SYNE1: variants seen among roughly 807,000 people sequenced by gnomAD.
SYNE1 encodes nesprin-1.
SYNE1 carries 616 observed loss-of-function variants against 1,111.0 expected under a neutral mutation model. That is an observed-to-expected ratio of 0.55 (90% CI 0.52 to 0.59). The LOEUF (loss-of-function observed/expected upper bound fraction) is 0.59, where lower values mean the gene tolerates loss of function less well. SYNE1 is among the 20% of genes least tolerant of loss of function. The pLI is 0.00. For missense variants in SYNE1, 10,006 were observed against 10,417.0 expected (o/e 0.96, Z 1.72); for synonymous variants, 3,855 against 3,825.8 (o/e 1.01, Z -0.28).
Position 152,399,602 on chromosome 6 carries a change from C to T in SYNE1, c.7237+14G>A, listed in dbSNP as rs376802849. ...GGAAACAAACTACTCATGCTAAGGC[C>T]CCTCAGAACTCACCACTGAAGTGTT... is the stretch of plus-strand genomic sequence containing the variant. On this transcript the variant is annotated intron_variant, in intron 48 of 145. Transcript: ENST00000367255. 10 of 1,613,746 alleles carry T rather than the reference C, an allele frequency of 6.2e-6. No homozygotes were observed. The African/African-American group carries it at 1.3e-4, about 22-fold the overall frequency.
At chr6:152,256,424 G>A (rs900949968) in intron 102 of SYNE1, among the ~76,000 whole-genome samples, 17 of 137,894 alleles carry the variant, frequency 1.2e-4, no homozygotes, top group Non-Finnish European at 2.3e-4. Context: ...AGTGAGACTC[G>A]GTCTAAAAAA....
chr6:152,354,635 A>T, intron 67 of SYNE1, 24 bp downstream of exon 67: 2 of 1,612,670 alleles, frequency 1.2e-6, no homozygotes, highest in African/African-American at 1.3e-5. Context: ...TTTGACAAAG[A>T]TCAGGAATCT....
intron 121 of SYNE1, among the ~76,000 whole-genome samples, chr6:152,215,727 A>G (rs1217471505): frequency 6.6e-6 from 1 of 152,198 alleles, no homozygotes; most frequent in Admixed American, 6.5e-5. Flanking sequence ...TTTATCCTCA[A>G]AACGATCACA....
intron 121 of SYNE1, 150 bp from the exon 122 acceptor site, chr6:152,215,210 G>C: frequency 1.2e-6 from 1 of 859,368 alleles, no homozygotes; most frequent in Non-Finnish European, 1.8e-6. Context: ...ACAATCTCTA[G>C]GTACGAATAG....
In SYNE1 at chr6:152,376,447, A is replaced by G; in HGVS notation, c.9258T>C (p.Thr3086=). The change falls in exon 58 of 146, where the codon ACT becomes ACC. Residue 3086 remains threonine, a synonymous_variant. Coordinates refer to ENST00000367255, the MANE Select transcript of SYNE1 (RefSeq NM_182961.4). ...FQQWLVNAKI[T]TAKCFDIPQN... Reference sequence around the variant, plus strand: ...GAGGTATATCAAAACACTTGGCGGTAGTGATTTTTGCATTAACCAACCACT... The same window carrying G: ...GAGGTATATCAAAACACTTGGCGGTGGTGATTTTTGCATTAACCAACCACT... 6.2e-7 allele frequency: 1 copy of G among 1,614,250 alleles called. No homozygotes were observed. Among genetic ancestry groups the G allele is most frequent in the Non-Finnish European group, 8.5e-7 (1 of 1,180,046 alleles).
At chr6:152,513,149 C>T (rs892979168) in intron 6 of SYNE1, among the ~76,000 whole-genome samples, 1 of 152,188 alleles carries the variant, frequency 6.6e-6, no homozygotes, top group African/African-American at 2.4e-5. Flanking sequence ...GAATCCTGGA[C>T]TAGACCATTG....
chr6:152,423,705 T>A (rs113590204), intron 39 of SYNE1, among the ~76,000 whole-genome samples: 1 of 152,242 alleles, frequency 6.6e-6, no homozygotes, highest in Non-Finnish European at 1.5e-5. Context: ...CTCCTTACTG[T>A]GGTCTACAAG....
Position 152,359,383 on chromosome 6 carries a change from G to A in SYNE1, c.10375C>T (p.His3459Tyr). The change falls in exon 65 of 146, where the codon CAC (histidine) becomes TAC (tyrosine). Residue 3459 changes from histidine to tyrosine, a missense_variant. Around this residue, in one of 7 missense-constraint regions of SYNE1, gnomAD observed 4,955 missense variants for 5,017.2 expected, o/e 0.99. Coordinates refer to ENST00000367255, the MANE Select transcript of SYNE1 (RefSeq NM_182961.4). ...IEVKGAGMTE[H>Y]YVTQLELQDL... ...TGGAGTTCTAGCTGGGTGACATAGTGTTCTGTCATGCCAGCCCCTTTGACT... is the reference window on the plus strand; with the variant it reads ...TGGAGTTCTAGCTGGGTGACATAGTATTCTGTCATGCCAGCCCCTTTGACT... The A allele has an allele frequency of 1.9e-6, 3 of 1,614,170 alleles. No individual in the cohort carries two copies. Among genetic ancestry groups the A allele is most frequent in the African/African-American group, 1.3e-5 (1 of 75,036 alleles).
chr6:152,596,490 G>A (rs560044248), intron 3 of SYNE1, among the ~76,000 whole-genome samples: 128 of 152,076 alleles, frequency 8.4e-4, no homozygotes, highest in African/African-American at 3.0e-3. Context: ...TCTTGACCTC[G>A]AGTGATCCGC....
chr6:152,254,856 A>G, intron 104 of SYNE1, 24 bp downstream of exon 104: 12 of 1,602,142 alleles, frequency 7.5e-6, no homozygotes, highest in African/African-American at 1.3e-5. Context: ...ATGGTCACGT[A>G]TCCTTTGATA....
chr6:152,176,534 A>G lies in SYNE1; in HGVS notation c.23487T>C (p.Ala7829=), dbSNP rs2153134063. ...GTTGGAGCTGTATTTTGTTCTCTTG[A>G]GCAATAGCAATTTCCTCTTGATAAT... is the stretch of plus-strand genomic sequence containing the variant. ...KKDYQEEIAI[A]QENKIQLQQM... is the part of the protein sequence containing the mutation. Residue 7829 remains alanine (A), a synonymous_variant, in exon 130 of 146, where the codon GCT becomes GCC. Transcript: ENST00000367255. 1 of 1,613,924 alleles carries G rather than the reference A, an allele frequency of 6.2e-7. No individual in the cohort carries two copies. Among genetic ancestry groups the G allele is most frequent in the Non-Finnish European group, 8.5e-7 (1 of 1,179,886 alleles).
At position 152,208,012 on chromosome 6, in the gene SYNE1, A is replaced by G; in HGVS notation, c.22784T>C (p.Ile7595Thr). The change falls in exon 125 of 146, where the codon ATA (isoleucine) becomes ACA (threonine). Residue 7595 changes from isoleucine (I) to threonine (T), a missense_variant. Ile to Thr is a moderately conservative substitution (Grantham distance 89, BLOSUM62 -1). Around this residue, in one of 7 missense-constraint regions of SYNE1, gnomAD observed 2,182 missense variants for 2,287.8 expected, o/e 0.95. Coordinates refer to ENST00000367255, the MANE Select transcript of SYNE1 (RefSeq NM_182961.4). ...GAGGGTCCTTGCTTGTTGCAGTGGT[A>G]TAGGAACACTTCCGAGACCACTCAT... ...LPMSGLGSVP[I>T]PLQQARTLFD... The G allele has an allele frequency of 1.2e-6, 2 of 1,614,166 alleles. No individual in the cohort carries two copies. The highest frequency in any genetic ancestry group is 1.7e-6 in the Non-Finnish European group (2 of 1,180,018).
rs567376316 is a variant in SYNE1 at position 152,122,458 on chromosome 6, G to A, written c.26372C>T (p.Thr8791Met). The stretch of plus-strand genomic sequence containing the variant: ...AGTTCAGAGTGGAGGAGGGCCATTC[G>A]TGTATCTGAGCATGGGGTGGAATGA... ...ARSFHPMLRY[T>M]NGPPPL Residue 8791 changes from threonine (T) to methionine (M), a missense_variant, in exon 146 of 146, where the codon ACG becomes ATG. This residue lies in a region of SYNE1 where 761 missense variants were observed against 795.5 expected (regional missense o/e 0.96). Coordinates refer to ENST00000367255, the MANE Select transcript of SYNE1 (RefSeq NM_182961.4). The A allele has an allele frequency of 5.4e-5, 87 of 1,614,162 alleles. 1 individual carries two copies. The Admixed American group carries it at 1.2e-3, about 22-fold the overall frequency.
chr6:152,492,347 A>G (rs546916456), intron 11 of SYNE1, among the ~76,000 whole-genome samples: 11 of 152,356 alleles, frequency 7.2e-5, no homozygotes, highest in African/African-American at 2.6e-4. Flanking sequence ...CCAAGCGGCA[A>G]CTTATTTCTG....
intron 18 of SYNE1, among the ~76,000 whole-genome samples, chr6:152,464,403 T>C (rs963842413): frequency 5.3e-5 from 8 of 152,186 alleles, no homozygotes; most frequent in Admixed American, 4.6e-4. Flanking sequence ...TTAACATGTA[T>C]GACATCCACT....
intron 3 of SYNE1, among the ~76,000 whole-genome samples, chr6:152,554,022 G>C (rs558459029): frequency 6.6e-6 from 1 of 152,132 alleles, no homozygotes; most frequent in African/African-American, 2.4e-5. Flanking sequence ...GGTATAACTT[G>C]AGAAAGGCAG....
chr6:152,499,044 T>G (rs2099014489), intron 10 of SYNE1, among the ~76,000 whole-genome samples: 1 of 152,140 alleles, frequency 6.6e-6, no homozygotes, highest in South Asian at 2.1e-4. Flanking sequence ...CTATATATTT[T>G]GTAAACATAT....
Position 152,395,609 on chromosome 6 carries a change from G to A in SYNE1, c.7619C>T (p.Thr2540Met), listed in dbSNP as rs550027519. ...WIHEMEERFN[T>M]ENLGESKQHI... ...CTGTTTACTCTCTCCCAAGTTTTCC[G>A]TATTGAACCTTTCTTCCATTTCATG... is the stretch of plus-strand genomic sequence containing the variant. Residue 2540 changes from threonine to methionine, a missense_variant, in exon 51 of 146, where the codon ACG (threonine) becomes ATG (methionine). Thr to Met is a moderately conservative substitution (Grantham distance 81). This residue lies in a region of SYNE1 where 4,955 missense variants were observed against 5,017.2 expected (regional missense o/e 0.99). Coordinates refer to ENST00000367255, the MANE Select transcript of SYNE1 (RefSeq NM_182961.4). 3.9e-5 allele frequency: 63 copies of A among 1,614,048 alleles called. No homozygotes were observed. In the East Asian group the frequency reaches 4.9e-4, roughly 13 times the overall value.
At chr6:152,129,422 G>C (rs1201595229) in intron 145 of SYNE1, 1 of 152,168 alleles carries the variant, frequency 6.6e-6, no homozygotes, top group African/African-American at 2.4e-5. Context: ...ATAACACAAT[G>C]ATCTGCCTAA....
Sources: gnomAD v4.1 joint callset for allele counts (sites outside exome capture counted in the v4.1 genomes callset) on GRCh38, gnomAD v4.1.1 for gene constraint, gnomAD v4.1.1 regional missense constraint, MANE v1.5 for transcripts, NCBI Gene and HGNC (gene_info 2026-07-23, HGNC 2026-07-21) for gene names.